The following NXN variants were observed in gnomAD, a reference collection of about 807,000 sequenced individuals.
NXN encodes the protein nucleoredoxin 1.
Under a neutral mutation model 48.6 loss-of-function variants are expected in NXN, and 16 were observed. The observed-to-expected ratio is 0.33, with a 90% CI of 0.22 to 0.50. The LOEUF (loss-of-function observed/expected upper bound fraction) is 0.50, where lower values mean the gene tolerates loss of function less well. Among genes scored for constraint, NXN ranks in the 20% least tolerant of loss-of-function variants. NXN has a pLI of 0.98. For synonymous variants in NXN, 281 were observed against 269.6 expected (o/e 1.04, Z -0.41); for missense variants, 492 against 605.5 (o/e 0.81, Z 1.97).
chr17:885,672 C>CT (rs532225883), intron 1 of NXN, among the ~76,000 whole-genome samples: 996 of 83,716 alleles, frequency 0.012, 171 homozygotes, highest in African/African-American at 0.038. Context: ...GCGGTACTCG[C>CT]TTTTTTTTTT....
At chr17:934,980 A>T (rs974474455) in intron 1 of NXN, among the ~76,000 whole-genome samples, 1 of 150,674 alleles carries the variant, frequency 6.6e-6, no homozygotes, top group African/African-American at 2.4e-5. Context: ...TGTGCTCTTT[A>T]TTTTTTTTTA....
In NXN at chr17:852,668, G is replaced by A. The variant is rs951078119; in HGVS notation, c.361-26590C>T. Among the ~76,000 whole-genome samples the A allele has an allele frequency of 5.3e-5, 8 of 152,174 alleles. No homozygotes were observed. The East Asian group carries it at 5.8e-4, about 11-fold the overall frequency. On this transcript the variant is annotated intron_variant, in intron 1 of 7. Transcript: ENST00000336868. ...GGTGGAGGAGGGAGGCAGGACCCCC[G>A]TCTGCTCTCTGAGTCAGCCCGGGCT...
At chr17:896,745 T>G in intron 1 of NXN, 2 of 630,598 alleles carry the variant, frequency 3.2e-6, no homozygotes, top group Non-Finnish European at 4.2e-6. Flanking sequence ...GAGAGTTGTT[T>G]CTGGTAATAG....
intron 1 of NXN, among the ~76,000 whole-genome samples, chr17:970,397 T>C (rs183779526): frequency 1.3e-5 from 2 of 150,398 alleles, no homozygotes; most frequent in East Asian, 3.9e-4. Context: ...GAAGGGGGAG[T>C]TGGGGGGCCC....
chr17:918,266 G>T lies in NXN; in HGVS notation c.360+61053C>A, dbSNP rs146688147. ...CAGCCCCAGAACCCTGGGCCCAAAG[G>T]GGTCTGGTCTTGATTAAGATTATTT... On this transcript the variant is annotated intron_variant, in intron 1 of 7. Transcript: ENST00000336868. Among the ~76,000 whole-genome samples, 781 of 152,274 alleles carry T rather than the reference G, an allele frequency of 5.1e-3. 9 individuals carry two copies. The highest frequency in any genetic ancestry group is 0.017 in the African/African-American group (715 of 41,556).
chr17:943,835 A>C (rs1314008552), intron 1 of NXN, among the ~76,000 whole-genome samples: 1 of 151,256 alleles, frequency 6.6e-6, no homozygotes, highest in Non-Finnish European at 1.5e-5. Flanking sequence ...TAAAAAAGGA[A>C]AAAAAAATGG....
chr17:917,015 C>T lies in NXN; in HGVS notation c.360+62304G>A, dbSNP rs2068694815. On this transcript the variant is annotated intron_variant, in intron 1 of 7. Transcript: ENST00000336868. This position sits in a 1 kb window ranked among gnomAD's most constrained non-coding sequence, Gnocchi z 4.5. Reference sequence around the variant, plus strand: ...TTTTTGGTGGGTCTTTATCTTCATTCATTAATCACATTATCAGACATTCCC... The same window carrying T: ...TTTTTGGTGGGTCTTTATCTTCATTTATTAATCACATTATCAGACATTCCC... 6.6e-6 allele frequency among the ~76,000 whole-genome samples: 1 copy of T among 152,232 alleles called. No homozygotes were observed. The highest frequency in any genetic ancestry group is 2.4e-5 in the African/African-American group (1 of 41,470).
chr17:802,823 G>T (rs531526771), intron 7 of NXN, among the ~76,000 whole-genome samples: 1 of 152,128 alleles, frequency 6.6e-6, no homozygotes, highest in Non-Finnish European at 1.5e-5. Flanking sequence ...TGCCTCCTCC[G>T]TGCCTCTCCT....
At chr17:934,314 C>T (rs1029048803) in intron 1 of NXN, among the ~76,000 whole-genome samples, 3 of 151,814 alleles carry the variant, frequency 2.0e-5, no homozygotes, top group African/African-American at 7.3e-5. Context: ...GGCGTGGTGG[C>T]GGGCACCTGT....
intron 1 of NXN, among the ~76,000 whole-genome samples, chr17:860,281 G>A (rs1045101893): frequency 2.0e-5 from 3 of 152,156 alleles, no homozygotes; most frequent in Non-Finnish European, 4.4e-5. Context: ...GTGCCGCCGC[G>A]CCCGGCTAAT....
intron 1 of NXN, among the ~76,000 whole-genome samples, chr17:953,461 G>T (rs1379553993): frequency 6.6e-6 from 1 of 152,064 alleles, no homozygotes; most frequent in East Asian, 1.9e-4. Context: ...AGCAGGACGA[G>T]GCACCTCGGA....
At chr17:948,709 G>A (rs1473926179) in intron 1 of NXN, among the ~76,000 whole-genome samples, 5 of 151,810 alleles carry the variant, frequency 3.3e-5, no homozygotes, top group African/African-American at 4.8e-5. Flanking sequence ...GCCTCACCCC[G>A]GCCCGTCCCG....
chr17:950,302 C>T (rs547446458), intron 1 of NXN, among the ~76,000 whole-genome samples: 12 of 152,166 alleles, frequency 7.9e-5, no homozygotes, highest in African/African-American at 2.2e-4. Flanking sequence ...GAAAGGGATT[C>T]GGTGGGGGAA....
chr17:878,296 G>A (rs563775700), intron 1 of NXN: 195 of 151,104 alleles, frequency 1.3e-3, no homozygotes, highest in Middle Eastern at 3.4e-3. Flanking sequence ...CGATGTGTCT[G>A]GGGACCCTGG....
intron 1 of NXN, among the ~76,000 whole-genome samples, chr17:838,126 C>CTTTTTTTTTT (rs66721481): frequency 2.6e-4 from 26 of 99,184 alleles, no homozygotes; most frequent in South Asian, 3.7e-4. Context: ...TCCTTTCCTT[C>CTTTTTTTTTT]TTTTTTTTTT....
intron 5 of NXN, among the ~76,000 whole-genome samples, chr17:814,845 A>G (rs1912379417): frequency 6.6e-6 from 1 of 151,676 alleles, no homozygotes; most frequent in Non-Finnish European, 1.5e-5. Flanking sequence ...GGCTCACTAC[A>G]ACCTCCGCCT....
At chr17:901,218 G>A (rs1313502571) in intron 1 of NXN, among the ~76,000 whole-genome samples, 4 of 145,356 alleles carry the variant, frequency 2.8e-5, no homozygotes, top group Non-Finnish European at 4.5e-5. Context: ...ACGGCGTCCG[G>A]CCAGATAGAT....
intron 1 of NXN, among the ~76,000 whole-genome samples, chr17:853,008 C>A (rs1298092794): frequency 6.6e-6 from 1 of 151,782 alleles, no homozygotes; most frequent in Non-Finnish European, 1.5e-5. Context: ...GACAGAGTCT[C>A]ACTTTATCAC....
intron 1 of NXN, among the ~76,000 whole-genome samples, chr17:936,984 G>A (rs1034567882): frequency 6.6e-6 from 1 of 151,882 alleles, no homozygotes; most frequent in African/African-American, 2.4e-5. Context: ...GGGAGGATCA[G>A]CTTGACCCCA....
Sources: gnomAD v4.1 joint callset for allele counts (sites outside exome capture counted in the v4.1 genomes callset) on GRCh38, gnomAD v4.1.1 for gene constraint, Gnocchi (gnomAD v3.1) non-coding constraint, MANE v1.5 for transcripts, NCBI Gene and HGNC (gene_info 2026-07-23, HGNC 2026-07-21) for gene names.